Variants in HS1BP3 observed in about 807,000 individuals in gnomAD.
The protein encoded by HS1BP3 is HCLS1 binding protein 3, also known as HCLS1-binding protein 3.
HS1BP3 carries 32 observed loss-of-function variants against 33.5 expected under a neutral mutation model. That is an observed-to-expected ratio of 0.95 (90% CI 0.72 to 1.28). HS1BP3 has a LOEUF of 1.28. Among genes scored for constraint, HS1BP3 ranks in the 50% most tolerant of loss-of-function variants. HS1BP3 has a pLI of 0.00. For missense variants in HS1BP3, 486 were observed against 502.3 expected (o/e 0.97, Z 0.31); for synonymous variants, 187 against 209.2 (o/e 0.89, Z 0.92).
chr2:20,607,249 A>G (rs1694212225), intron 2 of HS1BP3, among the ~76,000 whole-genome samples: 1 of 151,576 alleles, frequency 6.6e-6, no homozygotes, highest in Admixed American at 6.6e-5. Flanking sequence ...TCCACCTCCC[A>G]GGTTCAAGCA....
At chr2:20,643,862 G>C (rs1046120303) in intron 2 of HS1BP3, among the ~76,000 whole-genome samples, 2 of 152,194 alleles carry the variant, frequency 1.3e-5, no homozygotes, top group Non-Finnish European at 2.9e-5. Flanking sequence ...GAGCCCAGGA[G>C]TTCCAGGCTG....
At chr2:20,571,796 C>T (rs1693281092) in intron 5 of HS1BP3, among the ~76,000 whole-genome samples, 1 of 152,226 alleles carries the variant, frequency 6.6e-6, no homozygotes, top group Admixed American at 6.5e-5. Context: ...CATCAGGTGC[C>T]ACTTCACGAG....
At chr2:20,629,003 C>T (rs1208791152) in intron 4 of HS1BP3, among the ~76,000 whole-genome samples, 1 of 152,124 alleles carries the variant, frequency 6.6e-6, no homozygotes, top group Non-Finnish European at 1.5e-5. Flanking sequence ...AGAGCCTGGA[C>T]TAGGAGAGCA....
At chr2:20,592,927 A>G (rs988927566) in intron 3 of HS1BP3, 1 of 152,254 alleles carries the variant, frequency 6.6e-6, no homozygotes, top group Non-Finnish European at 1.5e-5. Flanking sequence ...GGATGCGAAC[A>G]TGGCTTTTTT....
At chr2:20,634,098 C>T (rs542067454) in intron 4 of HS1BP3, among the ~76,000 whole-genome samples, 8 of 152,204 alleles carry the variant, frequency 5.3e-5, no homozygotes, top group Admixed American at 3.3e-4. Context: ...GGTCAGCAGA[C>T]GAGGGAAAGC....
chr2:20,599,937 C>T (rs1218948454), intron 2 of HS1BP3, among the ~76,000 whole-genome samples: 1 of 152,168 alleles, frequency 6.6e-6, no homozygotes, highest in Admixed American at 6.5e-5. Flanking sequence ...TGTCTGCCTG[C>T]GTTCCTTGTG....
chr2:20,556,109 A>G (rs190837460), downstream of HS1BP3, among the ~76,000 whole-genome samples: 6 of 152,334 alleles, frequency 3.9e-5, no homozygotes, highest in Non-Finnish European at 8.8e-5. Flanking sequence ...GACTGTTTCT[A>G]TTTCTATTCT....
At chr2:20,605,345 T>C (rs1439328466) in intron 2 of HS1BP3, among the ~76,000 whole-genome samples, 2 of 152,218 alleles carry the variant, frequency 1.3e-5, no homozygotes, top group Non-Finnish European at 1.5e-5. Context: ...TCATCATCGA[T>C]GACTCCAAGG....
chr2:20,642,571 G>C (rs955060637), intron 2 of HS1BP3, among the ~76,000 whole-genome samples: 1 of 152,150 alleles, frequency 6.6e-6, no homozygotes, highest in South Asian at 2.1e-4. Context: ...GGGGCCGGGC[G>C]CCCCCTGCTG....
At chr2:20,608,173 T>C (rs1162082235) in intron 2 of HS1BP3, among the ~76,000 whole-genome samples, 1 of 152,226 alleles carries the variant, frequency 6.6e-6, no homozygotes. Flanking sequence ...TAAGATCATG[T>C]CATCTGCAAA....
rs781183862 is a variant in HS1BP3, at chr2:20,623,988, G to A, written c.828C>T (p.Pro276=). The A allele has an allele frequency of 1.3e-5, 21 of 1,612,208 alleles. No homozygotes were observed. Among genetic ancestry groups the A allele is most frequent in the Non-Finnish European group, 1.5e-5 (18 of 1,179,626 alleles). ...CTGGCAGCAGGAGGGAGTCACCCAGGGGGATGGCCCCGCCGAGGTCAGGAT... is the reference window on the plus strand; with the variant it reads ...CTGGCAGCAGGAGGGAGTCACCCAGAGGGATGGCCCCGCCGAGGTCAGGAT... ...FDDPDLGGAI[P]LGDSLLLPAA... Residue 276 remains proline (P), a synonymous_variant, in exon 6 of 7, where the codon CCC becomes CCT. Coordinates refer to ENST00000304031, the MANE Select transcript of HS1BP3 (RefSeq NM_022460.4).
chr2:20,582,875 C>T (rs1417069535), intron 5 of HS1BP3, among the ~76,000 whole-genome samples: 1 of 152,134 alleles, frequency 6.6e-6, no homozygotes, highest in African/African-American at 2.4e-5. Flanking sequence ...GGCAGGGACC[C>T]TTTTGGCAGG....
chr2:20,573,178 G>T (rs1322404675), intron 5 of HS1BP3, among the ~76,000 whole-genome samples: 2 of 152,112 alleles, frequency 1.3e-5, no homozygotes, highest in Admixed American at 6.5e-5. Context: ...TAAGCTGAAG[G>T]TCTTGGGATG....
chr2:20,580,646 G>A (rs1238117145), intron 5 of HS1BP3, among the ~76,000 whole-genome samples: 1 of 152,210 alleles, frequency 6.6e-6, no homozygotes, highest in African/African-American at 2.4e-5. Context: ...ACAAGTTCAT[G>A]AGGATGTTGT....
In HS1BP3 at chr2:20,618,875, C is replaced by G. The variant is rs570478819; in HGVS notation, c.*112G>C. 2.7e-6 allele frequency: 4 copies of G among 1,454,870 alleles called. No individual in the cohort carries two copies. In the South Asian group the frequency reaches 5.7e-5, roughly 21 times the overall value. 90.1% of individuals were successfully genotyped at this position (1,454,870 alleles called of 1,614,324 possible). ...CTGGGTGCTGTGACCCAGGCTTCTG[C>G]CTGGCCTCCCCTGGGGGTGGGGAGG... On this transcript the variant is annotated 3_prime_UTR_variant, in exon 7 of 7. Transcript: ENST00000304031.
chr2:20,572,479 C>T (rs1040673620), intron 5 of HS1BP3, among the ~76,000 whole-genome samples: 4 of 152,088 alleles, frequency 2.6e-5, no homozygotes, highest in Admixed American at 6.5e-5. Flanking sequence ...AGCATGATGT[C>T]GTGAAAAACC....
At chr2:20,589,348 C>T (rs1211360353), downstream of HS1BP3, among the ~76,000 whole-genome samples, 3 of 152,164 alleles carry the variant, frequency 2.0e-5, no homozygotes, top group Non-Finnish European at 4.4e-5. Flanking sequence ...GGCGAGACCT[C>T]CAACCTCCCT....
rs768443696 is a variant in HS1BP3 at position 20,641,076 on chromosome 2, C to T, written c.303G>A (p.Gly101=). ...PPLPRKVLFV[G]ESDIRERRAV... ...CTCTCCTCTCCCGGATGTCAGACTCCCCAACAAACAGGACCTTCCTGGGTA... is the reference window on the plus strand; with the variant it reads ...CTCTCCTCTCCCGGATGTCAGACTCTCCAACAAACAGGACCTTCCTGGGTA... Residue 101 remains glycine (G), a synonymous_variant, in exon 3 of 7, where the codon GGG becomes GGA. Coordinates refer to ENST00000304031, the MANE Select transcript of HS1BP3 (RefSeq NM_022460.4). 4 of 1,614,062 alleles carry T rather than the reference C, an allele frequency of 2.5e-6. No individual in the cohort carries two copies. Among genetic ancestry groups the T allele is most frequent in the South Asian group, 1.1e-5 (1 of 91,088 alleles).
downstream of HS1BP3, among the ~76,000 whole-genome samples, chr2:20,557,405 CT>C (rs1392891991): frequency 6.6e-6 from 1 of 152,198 alleles, no homozygotes; most frequent in African/African-American, 2.4e-5. Flanking sequence ...TATGGAGACT[CT>C]GCTGCTGATC....
Sources: allele counts gnomAD v4.1 joint callset (sites outside exome capture counted in the v4.1 genomes callset), GRCh38; gene constraint gnomAD v4.1.1; transcripts MANE v1.5; gene names NCBI Gene and HGNC (gene_info 2026-07-23, HGNC 2026-07-21).